EHMT2: variants seen among roughly 807,000 people sequenced by gnomAD.
The protein encoded by EHMT2 is histone-lysine N-methyltransferase EHMT2.
A neutral mutation model predicts 143.3 loss-of-function variants in EHMT2; 59 were observed. The ratio of observed to expected loss-of-function variants is 0.41; its 90% CI spans 0.33 to 0.51. The LOEUF is 0.51. Among genes scored for constraint, EHMT2 ranks in the 20% least tolerant of loss-of-function variants. The pLI, the probability that EHMT2 is intolerant of heterozygous loss-of-function variation, is 0.18. For missense variants in EHMT2, 1,174 were observed against 1,645.9 expected (o/e 0.71, Z 4.96); for synonymous variants, 604 against 651.5 (o/e 0.93, Z 1.11).
At chr6:31,882,739 G>A (rs552691958) in exon 25 of EHMT2, 18 of 1,612,628 alleles carry the variant, frequency 1.1e-5, no homozygotes, top group South Asian at 3.3e-5. Flanking sequence ...TGCAGGGCGC[G>A]GACCCCCCAG....
Position 31,883,190 on chromosome 6 carries a change from C to G in EHMT2, c.2994+172G>C. ...TGGTTTGCATAGACCTGGGCACACGCCCATCGCTGTCCCAGCCACATCCCA... is the reference window on the plus strand; with the variant it reads ...TGGTTTGCATAGACCTGGGCACACGGCCATCGCTGTCCCAGCCACATCCCA... On this transcript the variant is annotated intron_variant, in intron 23 of 27. Transcript: ENST00000375537. The surrounding 1 kb of genome is among the most constrained non-coding windows in gnomAD (Gnocchi z 5.6). 1.2e-6 allele frequency: 1 copy of G among 860,376 alleles called. No individual in the cohort carries two copies. Among genetic ancestry groups the G allele is most frequent in the Non-Finnish European group, 1.9e-6 (1 of 539,454 alleles). The allele number at this position is 860,376 out of a possible 1,614,324, so 53.3% of individuals were successfully genotyped here.
Position 31,888,980 on chromosome 6 carries a change from G to A in EHMT2, c.1205C>T (p.Pro402Leu), listed in dbSNP as rs891945582. Residue 402 changes from proline (P) to leucine (L), a missense_variant, in exon 10 of 28, where the codon CCC becomes CTC. By Grantham distance (98) the Pro-to-Leu change is moderately conservative. This residue lies in a region of EHMT2 where 608 missense variants were observed against 903.7 expected (regional missense o/e 0.67). Coordinates refer to ENST00000375537, the Ensembl canonical transcript of EHMT2. The surrounding 1 kb of genome is among the most constrained non-coding windows in gnomAD (Gnocchi z 7.4). ...CAATTGGCAATTACCAGCGTGGTTGGGGGAGAGGGTCCCCTCGCTGGGCAG... is the reference window on the plus strand; with the variant it reads ...CAATTGGCAATTACCAGCGTGGTTGAGGGAGAGGGTCCCCTCGCTGGGCAG... 2.5e-6 allele frequency: 4 copies of A among 1,599,638 alleles called. No homozygotes were observed. The African/African-American group carries it at 5.4e-5, about 21-fold the overall frequency.
chr6:31,879,974 T>C, exon 28 of EHMT2: 1 of 1,222,440 alleles, frequency 8.2e-7, no homozygotes, highest in South Asian at 1.4e-5. Flanking sequence ...GAAAGGGTGG[T>C]GGGGAGAGAA....
In EHMT2 at chr6:31,889,728, T is replaced by A; in HGVS notation, c.865-126A>T. The A allele has an allele frequency of 8.1e-7, 1 of 1,227,436 alleles. No individual in the cohort carries two copies. The highest frequency in any genetic ancestry group is 1.2e-6 in the Non-Finnish European group (1 of 861,112). The allele number at this position is 1,227,436 out of a possible 1,614,324, so 76.0% of individuals were successfully genotyped here. ...GATGGCTGCTGGGGATAAGTGTGGG[T>A]AGCAGAGGAGACAAAGGGCCACATA... On this transcript the variant is annotated intron_variant, in intron 7 of 27. Coordinates refer to ENST00000375537, the Ensembl canonical transcript of EHMT2. The surrounding 1 kb of genome is among the most constrained non-coding windows in gnomAD (Gnocchi z 5.1).
exon 14 of EHMT2, chr6:31,887,842 C>T (rs1187629274): frequency 6.2e-7 from 1 of 1,610,622 alleles, no homozygotes; most frequent in Non-Finnish European, 8.5e-7. Flanking sequence ...CAGTGGCAGC[C>T]CCACGGCTGA....
rs147667874 is a variant in EHMT2 at position 31,896,305 on chromosome 6, G to C, written c.540C>G (p.Val180=). 129 of 1,612,868 alleles carry C rather than the reference G, an allele frequency of 8.0e-5. No individual in the cohort carries two copies. The highest frequency in any genetic ancestry group is 2.5e-4 in the Admixed American group (15 of 59,990). The change falls in exon 4 of 28, where the codon GTC becomes GTG. Residue 180 remains valine, a synonymous_variant. Coordinates refer to ENST00000375537, the Ensembl canonical transcript of EHMT2. ...TGGACATGGTTTTGCGGGCTCGGTG[G>C]ACCTTGGGCTGTCCCTCTGGGCTCG...
At chr6:31,895,953 G>C (rs1766353762) in intron 4 of EHMT2, 1 of 315,994 alleles carries the variant, frequency 3.2e-6, no homozygotes, top group Non-Finnish European at 5.7e-6. Flanking sequence ...TTCCCCAAGG[G>C]CTTGCTTTGA....
intron 18 of EHMT2, chr6:31,885,591 T>G (rs1465292011): frequency 6.6e-6 from 1 of 152,542 alleles, no homozygotes; most frequent in Admixed American, 6.5e-5. Flanking sequence ...TGGAGGTGCA[T>G]GCCTGTAGTC....
At chr6:31,896,635 C>T (rs766961694) in exon 3 of EHMT2, 1 of 1,587,426 alleles carries the variant, frequency 6.3e-7, no homozygotes, top group Non-Finnish European at 8.6e-7. Flanking sequence ...ACGGAGGTCC[C>T]CATCTCCCTC....
chr6:31,896,270 T>C, exon 4 of EHMT2: 2 of 1,611,828 alleles, frequency 1.2e-6, no homozygotes, highest in Non-Finnish European at 1.7e-6. Flanking sequence ...CACCTGTCCA[T>C]TTCCTGGTTT....
At position 31,889,513 on chromosome 6, in the gene EHMT2, C is replaced by G. The variant is rs1196941708; in HGVS notation, c.954G>C (p.Glu318Asp). ...ACTCCTCATCTTCCTCTTCTTCTTC[C>G]TCTTCCTCCTCCTCTTCCTCTTCTT... The change falls in exon 8 of 28, where the codon GAG becomes GAC. Residue 318 changes from glutamate to aspartate, a missense_variant. Physicochemically the swap from Glu to Asp is conservative, Grantham distance 45 (BLOSUM62 2). Around this residue, in one of 6 missense-constraint regions of EHMT2, gnomAD observed 399 missense variants for 404.4 expected, o/e 0.99. Coordinates refer to ENST00000375537, the Ensembl canonical transcript of EHMT2. The surrounding 1 kb of genome is among the most constrained non-coding windows in gnomAD (Gnocchi z 5.1). 1.9e-6 allele frequency: 3 copies of G among 1,612,388 alleles called. No individual in the cohort carries two copies. The highest frequency in any genetic ancestry group is 2.7e-5 in the African/African-American group (2 of 75,022).
chr6:31,884,063 G>C lies in EHMT2; in HGVS notation c.2772-113C>G. 1.6e-6 allele frequency: 2 copies of C among 1,253,600 alleles called. No individual in the cohort carries two copies. The highest frequency in any genetic ancestry group is 2.5e-5 in the East Asian group (1 of 39,922). The allele number at this position is 1,253,600 out of a possible 1,614,324, so 77.7% of individuals were successfully genotyped here. On this transcript the variant is annotated intron_variant, in intron 21 of 27. Coordinates refer to ENST00000375537, the Ensembl canonical transcript of EHMT2. This position sits in a 1 kb window ranked among gnomAD's most constrained non-coding sequence, Gnocchi z 7.3. ...CTGGGGCTGGGGGCAGGGGAGTAAG[G>C]TTGCCAGGTAAGATGCAGGACAGCG...
Position 31,889,653 on chromosome 6 carries a change from A to T in EHMT2, c.865-51T>A. 6.2e-7 allele frequency: 1 copy of T among 1,601,140 alleles called. No individual in the cohort carries two copies. The highest frequency in any genetic ancestry group is 2.2e-5 in the East Asian group (1 of 44,866). On this transcript the variant is annotated intron_variant, in intron 7 of 27. Coordinates refer to ENST00000375537, the Ensembl canonical transcript of EHMT2. The surrounding 1 kb of genome is among the most constrained non-coding windows in gnomAD (Gnocchi z 5.1). Reference sequence around the variant, plus strand: ...TCCAACCCCCAGGACTCAGACAATGAGGTGAGTAAAGAAAACCACCACCAC... The same window carrying T: ...TCCAACCCCCAGGACTCAGACAATGTGGTGAGTAAAGAAAACCACCACCAC...
chr6:31,889,162 C>G lies in EHMT2; in HGVS notation c.1114+66G>C. ...GTGGACATGCGAGAGCGTGTGTGTG[C>G]GTGCACACACTCTGGGGGGCCGGGC... On this transcript the variant is annotated intron_variant, in intron 9 of 27. Coordinates refer to ENST00000375537, the Ensembl canonical transcript of EHMT2. This position sits in a 1 kb window ranked among gnomAD's most constrained non-coding sequence, Gnocchi z 5.1. 6.5e-7 allele frequency: 1 copy of G among 1,544,428 alleles called. No individual in the cohort carries two copies. Among genetic ancestry groups the G allele is most frequent in the Non-Finnish European group, 8.8e-7 (1 of 1,136,562 alleles).
chr6:31,883,460 TCA>T lies in EHMT2; in HGVS notation c.2917-23_2917-22del. ...CAGTGCTGGGGCGAGGAGGCAGAGG[TCA>T]GCTCAACCCCATGATCGGTCTGGGC... On this transcript the variant is annotated intron_variant, in intron 22 of 27. Transcript: ENST00000375537. This position sits in a 1 kb window ranked among gnomAD's most constrained non-coding sequence, Gnocchi z 5.6. The T allele has an allele frequency of 6.2e-7, 1 of 1,607,404 alleles. No homozygotes were observed. The highest frequency in any genetic ancestry group is 8.5e-7 in the Non-Finnish European group (1 of 1,177,224).
intron 4 of EHMT2, chr6:31,895,568 G>A (rs958937562): frequency 5.3e-5 from 8 of 151,958 alleles, no homozygotes; most frequent in African/African-American, 1.7e-4. Flanking sequence ...GGTCAAGGCA[G>A]GAAGATTGCT....
intron 4 of EHMT2, among the ~76,000 whole-genome samples, chr6:31,895,080 A>G (rs1336208665): frequency 6.6e-6 from 1 of 152,254 alleles, no homozygotes; most frequent in Non-Finnish European, 1.5e-5. Context: ...TGTTTATCAT[A>G]GTGAGAAAGG....
Position 31,884,171 on chromosome 6 carries a change from A to T in EHMT2, c.2771+221T>A, listed in dbSNP as rs1361516989. ...ACACAGGACATTCTCACACTAAAAA[A>T]GTATGCATCTGTGCATCTGAAATTC... On this transcript the variant is annotated intron_variant, in intron 21 of 27. Transcript: ENST00000375537. This position sits in a 1 kb window ranked among gnomAD's most constrained non-coding sequence, Gnocchi z 7.3. 4.7e-5 allele frequency: 33 copies of T among 701,234 alleles called. No homozygotes were observed. The Middle Eastern group carries it at 3.3e-3, about 69-fold the overall frequency. 43.4% of individuals were successfully genotyped at this position (701,234 alleles called of 1,614,324 possible). A position where few individuals can be genotyped will look rare whatever the true frequency, so the allele number is the denominator to read the frequency against.
chr6:31,882,656 T>C (rs751225578), intron 25 of EHMT2, 43 bp downstream of exon 25: 22 of 1,577,226 alleles, frequency 1.4e-5, no homozygotes, highest in Non-Finnish European at 1.7e-5. Context: ...AGTGGCCATG[T>C]ATCCCCTTCC....
Sources: allele counts gnomAD v4.1 joint callset (sites outside exome capture counted in the v4.1 genomes callset), GRCh38; gene constraint gnomAD v4.1.1; regional missense constraint gnomAD v4.1.1; non-coding constraint Gnocchi (gnomAD v3.1); transcripts MANE v1.5; gene names NCBI Gene and HGNC (gene_info 2026-07-23, HGNC 2026-07-21).